CTNNA2: variants seen among roughly 807,000 people sequenced by gnomAD.
The protein encoded by CTNNA2 is catenin alpha-2.
Under a neutral mutation model 101.0 loss-of-function variants are expected in CTNNA2, and 42 were observed. That is an observed-to-expected ratio of 0.42 (90% CI 0.32 to 0.54). The LOEUF (loss-of-function observed/expected upper bound fraction) is 0.54, where lower values mean the gene tolerates loss of function less well. CTNNA2 is among the 20% of genes least tolerant of loss of function. CTNNA2 has a pLI of 0.14. For missense variants in CTNNA2, 871 were observed against 1,223.1 expected (o/e 0.71, Z 4.29); for synonymous variants, 450 against 456.4 (o/e 0.99, Z 0.18).
chr2:79,822,969 C>T (rs1678131786), intron 3 of CTNNA2, among the ~76,000 whole-genome samples: 1 of 152,154 alleles, frequency 6.6e-6, no homozygotes, highest in Admixed American at 6.5e-5. Flanking sequence ...TTGACAGGCT[C>T]TTTTCTGATG....
At chr2:80,185,089 C>T (rs1706033639) in intron 7 of CTNNA2, among the ~76,000 whole-genome samples, 1 of 152,204 alleles carries the variant, frequency 6.6e-6, no homozygotes. Context: ...AGCTGCATCT[C>T]TCATGTAAGG....
At chr2:79,762,053 C>T (rs1175672857) in intron 3 of CTNNA2, among the ~76,000 whole-genome samples, 3 of 152,106 alleles carry the variant, frequency 2.0e-5, no homozygotes, top group South Asian at 2.1e-4. Flanking sequence ...AGAAGGGCTT[C>T]GTCGTTAATT....
chr2:80,013,984 A>G lies in CTNNA2; in HGVS notation c.1056+104187A>G, dbSNP rs114635824. 6.7e-3 allele frequency among the ~76,000 whole-genome samples: 1,024 copies of G among 152,272 alleles called. 12 individuals carry two copies. Among genetic ancestry groups the G allele is most frequent in the African/African-American group, 0.024 (980 of 41,554 alleles). ...AGGAGGAAAAAATCTGAAGTTCAGT[A>G]AGGAGAATTAGATTGCTTAAAACTC... On this transcript the variant is annotated intron_variant, in intron 7 of 18. Coordinates refer to ENST00000402739, the MANE Select transcript of CTNNA2 (RefSeq NM_001282597.3).
intron 7 of CTNNA2, among the ~76,000 whole-genome samples, chr2:79,965,484 C>T (rs549508401): frequency 6.6e-6 from 1 of 152,182 alleles, no homozygotes; most frequent in South Asian, 2.1e-4. Context: ...AATGGCTTCA[C>T]ACTATTGGAA....
chr2:80,144,556 T>C (rs1703213869), intron 7 of CTNNA2, among the ~76,000 whole-genome samples: 1 of 152,076 alleles, frequency 6.6e-6, no homozygotes, highest in Admixed American at 6.6e-5. Context: ...TAGAGGACGG[T>C]GTTGAGGGTT....
At chr2:80,472,150 A>G (rs1685359487) in intron 9 of CTNNA2, among the ~76,000 whole-genome samples, 1 of 152,034 alleles carries the variant, frequency 6.6e-6, no homozygotes, top group East Asian at 1.9e-4. Context: ...AATATGCAGA[A>G]CTAGAAGTCT....
At chr2:79,191,072 C>T (rs1463801737) in intron 1 of CTNNA2, among the ~76,000 whole-genome samples, 1 of 152,112 alleles carries the variant, frequency 6.6e-6, no homozygotes, top group Non-Finnish European at 1.5e-5. Context: ...AATTCTAGTC[C>T]AATTACACAC....
At chr2:80,513,968 A>T (rs1688907724) in intron 9 of CTNNA2, among the ~76,000 whole-genome samples, 1 of 152,108 alleles carries the variant, frequency 6.6e-6, no homozygotes, top group South Asian at 2.1e-4. Context: ...CCTGAATCAC[A>T]TTCTTTTTCT....
At chr2:80,379,692 T>G (rs1676316631) in intron 7 of CTNNA2, among the ~76,000 whole-genome samples, 1 of 152,188 alleles carries the variant, frequency 6.6e-6, no homozygotes, top group Non-Finnish European at 1.5e-5. Context: ...ATCAAATGAT[T>G]TGTTGGTTTG....
rs1286961560 is a variant in CTNNA2 at position 80,303,010 on chromosome 2, G to C, written c.1057-90201G>C. The stretch of plus-strand genomic sequence containing the variant: ...CGGTCTCGAACACATGGGGCTCCAT[G>C]TACTCGATCTCGTTGCCCGACAAGT... On this transcript the variant is annotated intron_variant, in intron 7 of 18. Coordinates refer to ENST00000402739, the MANE Select transcript of CTNNA2 (RefSeq NM_001282597.3). This position sits in a 1 kb window ranked among gnomAD's most constrained non-coding sequence, Gnocchi z 7.7. 1 of 1,613,822 alleles carries C rather than the reference G, an allele frequency of 6.2e-7. No homozygotes were observed. Among genetic ancestry groups the C allele is most frequent in the Admixed American group, 1.7e-5 (1 of 59,984 alleles).
chr2:80,451,178 C>G (rs1683475865), intron 9 of CTNNA2, among the ~76,000 whole-genome samples: 1 of 151,988 alleles, frequency 6.6e-6, no homozygotes, highest in Non-Finnish European at 1.5e-5. Flanking sequence ...TGTCCCCACC[C>G]AAATCTCATT....
At chr2:80,553,188 C>T (rs999389292) in intron 11 of CTNNA2, among the ~76,000 whole-genome samples, 2 of 149,376 alleles carry the variant, frequency 1.3e-5, no homozygotes, top group Admixed American at 6.7e-5. Context: ...TGCGTCACTG[C>T]ACTCCAGCCT....
chr2:79,876,922 G>GT (rs1558603950), intron 6 of CTNNA2, among the ~76,000 whole-genome samples: 3 of 151,850 alleles, frequency 2.0e-5, no homozygotes, highest in Admixed American at 1.3e-4. Context: ...CATCAAACAT[G>GT]TTTTTTATAA....
chr2:80,494,899 G>T (rs1210100825), intron 9 of CTNNA2, among the ~76,000 whole-genome samples: 1 of 152,162 alleles, frequency 6.6e-6, no homozygotes, highest in Non-Finnish European at 1.5e-5. Context: ...TTCCCAAGGA[G>T]TCAGAATCAG....
chr2:80,583,303 A>G (rs1298912375), intron 14 of CTNNA2, among the ~76,000 whole-genome samples: 1 of 152,192 alleles, frequency 6.6e-6, no homozygotes, highest in Non-Finnish European at 1.5e-5. Context: ...CTTTCCGATC[A>G]CATGATGGTG....
At chr2:79,370,810 A>G (rs965610276) in intron 3 of CTNNA2, among the ~76,000 whole-genome samples, 1 of 152,190 alleles carries the variant, frequency 6.6e-6, no homozygotes, top group Non-Finnish European at 1.5e-5. Context: ...TGGTTTTATA[A>G]TTTACAGAGT....
chr2:80,645,112 C>G (rs1325092640), intron 18 of CTNNA2, among the ~76,000 whole-genome samples: 2 of 152,072 alleles, frequency 1.3e-5, no homozygotes, highest in African/African-American at 4.8e-5. Context: ...ATTCTGTTGC[C>G]CAAAGCAAAT....
chr2:80,099,122 C>G (rs1475786980), intron 7 of CTNNA2, among the ~76,000 whole-genome samples: 1 of 151,914 alleles, frequency 6.6e-6, no homozygotes, highest in Non-Finnish European at 1.5e-5. Flanking sequence ...TAGCCTGGAG[C>G]TGTTCGTATT....
At chr2:79,676,186 A>G (rs1212757397) in intron 2 of CTNNA2, among the ~76,000 whole-genome samples, 1 of 152,246 alleles carries the variant, frequency 6.6e-6, no homozygotes, top group Admixed American at 6.5e-5. Context: ...AAGATATTTT[A>G]AATAAATAAA....
Sources: allele counts gnomAD v4.1 joint callset (sites outside exome capture counted in the v4.1 genomes callset), GRCh38; gene constraint gnomAD v4.1.1; non-coding constraint Gnocchi (gnomAD v3.1); transcripts MANE v1.5; gene names NCBI Gene and HGNC (gene_info 2026-07-23, HGNC 2026-07-21).